The following SH3RF3 variants were observed in gnomAD, a reference collection of about 807,000 sequenced individuals.
SH3RF3 encodes E3 ubiquitin-protein ligase SH3RF3.
SH3RF3 carries 29 observed loss-of-function variants against 66.3 expected under a neutral mutation model. The ratio of observed to expected loss-of-function variants is 0.44; its 90% confidence interval spans 0.33 to 0.60. The LOEUF (loss-of-function observed/expected upper bound fraction) is 0.60. Among genes scored for constraint, SH3RF3 ranks in the 20% least tolerant of loss-of-function variants. The pLI is 0.04. For synonymous variants in SH3RF3, 583 were observed against 532.0 expected, an observed-to-expected ratio of 1.10 and a Z score of -1.32; for missense variants, 1,194 against 1,190.9, an observed-to-expected ratio of 1.00 and a Z score of -0.04.
At chr2:109,458,291 T>C (rs934416791) in intron 8 of SH3RF3, among the ~76,000 whole-genome samples, 3 of 152,178 alleles carry the variant, frequency 2.0e-5, no homozygotes, top group African/African-American at 4.8e-5. Flanking sequence ...TCTGTCTGGA[T>C]CTCAAATAGA....
chr2:109,208,690 G>GT (rs58478845), intron 1 of SH3RF3, among the ~76,000 whole-genome samples: 63,438 of 152,088 alleles, frequency 0.42, 15,596 homozygotes, highest in East Asian at 0.8. Flanking sequence ...CCAGAATACT[G>GT]TTTTTTCTGT....
At chr2:109,498,767 T>G (rs1679316596) in intron 9 of SH3RF3, among the ~76,000 whole-genome samples, 1 of 152,180 alleles carries the variant, frequency 6.6e-6, no homozygotes, top group African/African-American at 2.4e-5. Flanking sequence ...GCTTGCAGAC[T>G]GGTGCAGGAG....
At chr2:109,383,100 C>A (rs369693574) in intron 3 of SH3RF3, among the ~76,000 whole-genome samples, 1 of 152,196 alleles carries the variant, frequency 6.6e-6, no homozygotes. Context: ...GCCCTGGCTC[C>A]GAGGCACTTG....
intron 7 of SH3RF3, among the ~76,000 whole-genome samples, chr2:109,446,569 A>C (rs1454566744): frequency 1.3e-5 from 2 of 152,142 alleles, no homozygotes; most frequent in Non-Finnish European, 2.9e-5. Context: ...GGTCTCTAGA[A>C]GGTGGTATCT....
At chr2:109,219,336 C>A (rs530287008) in intron 1 of SH3RF3, among the ~76,000 whole-genome samples, 2 of 152,178 alleles carry the variant, frequency 1.3e-5, no homozygotes, top group African/African-American at 4.8e-5. Context: ...CTTTAATTTG[C>A]CAAGTAAAAT....
At chr2:109,350,407 C>G (rs1193225570) in intron 2 of SH3RF3, among the ~76,000 whole-genome samples, 2 of 152,156 alleles carry the variant, frequency 1.3e-5, no homozygotes, top group African/African-American at 4.8e-5. Flanking sequence ...TTACTTGAAT[C>G]CTGTGAGTTA....
intron 9 of SH3RF3, among the ~76,000 whole-genome samples, chr2:109,495,415 CT>C (rs1418398064): frequency 6.8e-6 from 1 of 146,732 alleles, no homozygotes; most frequent in Non-Finnish European, 1.5e-5. Context: ...CGTAGAGAGG[CT>C]TTGAGTAGAC....
intron 1 of SH3RF3, among the ~76,000 whole-genome samples, chr2:109,174,439 A>G (rs1677871584): frequency 6.6e-6 from 1 of 152,130 alleles, no homozygotes; most frequent in East Asian, 1.9e-4. Flanking sequence ...CGTGGGTGGG[A>G]CCAGAGTGGT....
In SH3RF3 at chr2:109,410,571, G is replaced by T. The variant is rs1369495143; in HGVS notation, c.1300-8968G>T. Among the ~76,000 whole-genome samples the T allele has an allele frequency of 6.6e-5, 10 of 152,234 alleles. No homozygotes were observed. The East Asian group carries it at 1.7e-3, about 26-fold the overall frequency. On this transcript the variant is annotated intron_variant, in intron 4 of 9. Coordinates refer to ENST00000309415, the MANE Select transcript of SH3RF3 (RefSeq NM_001099289.3). ...CTGGGCTCATGTGAAATGCTCACAG[G>T]CTGTGTTGTTGAGCATCCTGCCCGA...
At chr2:109,476,640 C>A (rs1678690813) in intron 8 of SH3RF3, among the ~76,000 whole-genome samples, 1 of 152,228 alleles carries the variant, frequency 6.6e-6, no homozygotes, top group Non-Finnish European at 1.5e-5. Context: ...GGTCCCAATC[C>A]AGATCCCAAG....
intron 1 of SH3RF3, among the ~76,000 whole-genome samples, chr2:109,262,433 C>T (rs1048579159): frequency 6.6e-6 from 1 of 152,202 alleles, no homozygotes; most frequent in African/African-American, 2.4e-5. Context: ...GGGAACCTCT[C>T]ATGGTGCCTG....
intron 2 of SH3RF3, among the ~76,000 whole-genome samples, chr2:109,358,455 G>A (rs757381760): frequency 5.3e-5 from 8 of 152,204 alleles, no homozygotes; most frequent in Non-Finnish European, 8.8e-5. Flanking sequence ...AGCATGCCTA[G>A]TTTTGTAAGA....
chr2:109,478,719 G>A (rs938138785), intron 8 of SH3RF3, among the ~76,000 whole-genome samples: 2 of 152,156 alleles, frequency 1.3e-5, no homozygotes, highest in Admixed American at 6.5e-5. Flanking sequence ...GTCTGAGCTC[G>A]TAGGTAAGAT....
intron 8 of SH3RF3, among the ~76,000 whole-genome samples, chr2:109,477,263 G>T (rs767353024): frequency 6.6e-6 from 1 of 152,174 alleles, no homozygotes; most frequent in Non-Finnish European, 1.5e-5. Flanking sequence ...GCCCAGAGTG[G>T]GGGAAGTCAC....
At chr2:109,447,237 G>A (rs543641180) in intron 7 of SH3RF3, among the ~76,000 whole-genome samples, 8 of 149,388 alleles carry the variant, frequency 5.4e-5, no homozygotes, top group South Asian at 2.1e-4. Flanking sequence ...ATTTCACCTC[G>A]TAGAAACAGC....
chr2:109,504,141 A>G lies in SH3RF3; in HGVS notation c.*2470A>G, dbSNP rs1193844842. 6.6e-6 allele frequency: 1 copy of G among 152,250 alleles called. No homozygotes were observed. Among genetic ancestry groups the G allele is most frequent in the South Asian group, 2.1e-4 (1 of 4,834 alleles). 9.4% of individuals were successfully genotyped at this position (152,250 alleles called of 1,614,324 possible). On this transcript the variant is annotated 3_prime_UTR_variant, in exon 10 of 10. Coordinates refer to ENST00000309415, the MANE Select transcript of SH3RF3 (RefSeq NM_001099289.3). ...GCTCGCAGAGAAGAGCAGGAGCAGA[A>G]TTAGCCCTTTCTTCAGGCCATCTTG...
At position 109,277,352 on chromosome 2, in the gene SH3RF3, C is replaced by A. The variant is rs151153852; in HGVS notation, c.574-70322C>A. On this transcript the variant is annotated intron_variant, in intron 1 of 9. Transcript: ENST00000309415. ...TTTGAAATGATTATTTTCTCAGTGTCATTTCATTTACTGCTCTTTATGTGA... is the reference window on the plus strand; with the variant it reads ...TTTGAAATGATTATTTTCTCAGTGTAATTTCATTTACTGCTCTTTATGTGA... 6.0e-4 allele frequency among the ~76,000 whole-genome samples: 91 copies of A among 152,284 alleles called. No individual in the cohort carries two copies. The East Asian group carries it at 0.01, about 17-fold the overall frequency.
intron 1 of SH3RF3, among the ~76,000 whole-genome samples, chr2:109,263,373 G>GT (rs1680405811): frequency 6.6e-6 from 1 of 152,146 alleles, no homozygotes; most frequent in Non-Finnish European, 1.5e-5. Flanking sequence ...TCTGGAATGT[G>GT]TTTATTTTGT....
At chr2:109,171,130 C>T (rs1677770758) in intron 1 of SH3RF3, among the ~76,000 whole-genome samples, 1 of 152,118 alleles carries the variant, frequency 6.6e-6, no homozygotes, top group Non-Finnish European at 1.5e-5. Context: ...ATCTGCAGCA[C>T]CTAGATCATT....
Sources: allele counts gnomAD v4.1 joint callset (sites outside exome capture counted in the v4.1 genomes callset), GRCh38; gene constraint gnomAD v4.1.1; transcripts MANE v1.5; gene names NCBI Gene and HGNC (gene_info 2026-07-23, HGNC 2026-07-21).